The following HEMK2 variants were observed in gnomAD, a reference collection of about 807,000 sequenced individuals.
HEMK2 encodes HemK methyltransferase 2, ETF1 glutamine and histone H4 lysine.
chr21:28,709,319 A>G, the HEMK2 span, among the ~76,000 whole-genome samples: 1 of 152,204 alleles, frequency 6.6e-6, no homozygotes, highest in Admixed American at 6.5e-5. Flanking sequence ...TTGTTTATCA[A>G]ATCTGAGAAT....
the HEMK2 span, among the ~76,000 whole-genome samples, chr21:28,758,808 G>A: frequency 4.6e-5 from 7 of 152,102 alleles, no homozygotes; most frequent in African/African-American, 1.4e-4. Flanking sequence ...TGGTGAATAG[G>A]CTGGAGCTCA....
At chr21:28,870,513 T>C in the HEMK2 span, among the ~76,000 whole-genome samples, 1 of 152,158 alleles carries the variant, frequency 6.6e-6, no homozygotes, top group Non-Finnish European at 1.5e-5. Context: ...ACAATGCTCC[T>C]GCCTCAACCT....
chr21:28,675,016 G>C, the HEMK2 span, among the ~76,000 whole-genome samples: 1 of 152,254 alleles, frequency 6.6e-6, no homozygotes, highest in South Asian at 2.1e-4. Flanking sequence ...TCAACATTTA[G>C]ATCATAGCAC....
At chr21:28,826,459 T>A in the HEMK2 span, among the ~76,000 whole-genome samples, 1 of 152,206 alleles carries the variant, frequency 6.6e-6, no homozygotes, top group African/African-American at 2.4e-5. Context: ...ATCCTTAGTG[T>A]CATTCCCAGC....
the HEMK2 span, among the ~76,000 whole-genome samples, chr21:28,710,892 C>G: frequency 3.9e-5 from 6 of 152,166 alleles, no homozygotes; most frequent in Non-Finnish European, 8.8e-5. Flanking sequence ...CTTTCCATTA[C>G]ATTGTTCATG....
chr21:28,730,763 A>G, the HEMK2 span, among the ~76,000 whole-genome samples: 1 of 152,178 alleles, frequency 6.6e-6, no homozygotes, highest in South Asian at 2.1e-4. Context: ...AGAAGTCACA[A>G]TGTTTTACAA....
chr21:28,859,824 C>T, the HEMK2 span, among the ~76,000 whole-genome samples: 6 of 152,184 alleles, frequency 3.9e-5, no homozygotes, highest in South Asian at 2.1e-4. Flanking sequence ...AAAAAAGTAA[C>T]CAAATTTAGG....
the HEMK2 span, among the ~76,000 whole-genome samples, chr21:28,636,121 T>C: frequency 6.6e-6 from 1 of 152,180 alleles, no homozygotes; most frequent in East Asian, 1.9e-4. Context: ...TTTATTACTA[T>C]CTTCTTTAAA....
chr21:28,799,197 T>G, the HEMK2 span, among the ~76,000 whole-genome samples: 2 of 152,188 alleles, frequency 1.3e-5, no homozygotes, highest in African/African-American at 2.4e-5. Flanking sequence ...AGAGGTTTAA[T>G]GGACTCACAG....
chr21:28,782,518 T>C, the HEMK2 span, among the ~76,000 whole-genome samples: 1 of 152,102 alleles, frequency 6.6e-6, no homozygotes. Flanking sequence ...ATTATACCTA[T>C]TCAAAAGGAA....
At chr21:28,629,388 G>A in the HEMK2 span, among the ~76,000 whole-genome samples, 3 of 152,144 alleles carry the variant, frequency 2.0e-5, no homozygotes, top group Non-Finnish European at 2.9e-5. Context: ...CAATCACCTC[G>A]ACATCGAGCA....
At chr21:28,722,559 G>T in the HEMK2 span, among the ~76,000 whole-genome samples, 1 of 152,164 alleles carries the variant, frequency 6.6e-6, no homozygotes, top group South Asian at 2.1e-4. Flanking sequence ...ACAATGACCT[G>T]GCTCCTGTGC....
At chr21:28,816,633 A>T in the HEMK2 span, among the ~76,000 whole-genome samples, 1 of 152,216 alleles carries the variant, frequency 6.6e-6, no homozygotes, top group African/African-American at 2.4e-5. Flanking sequence ...CTGAAATATA[A>T]GCACACCACT....
the HEMK2 span, among the ~76,000 whole-genome samples, chr21:28,853,085 G>C: frequency 6.6e-6 from 1 of 152,132 alleles, no homozygotes. Flanking sequence ...AAGATGGCAG[G>C]TCCACCCTCA....
At chr21:28,826,879 TC>T in the HEMK2 span, among the ~76,000 whole-genome samples, 33 of 152,156 alleles carry the variant, frequency 2.2e-4, no homozygotes, top group Non-Finnish European at 5.9e-5. Context: ...ATAACCAGCA[TC>T]TTCAAAATGC....
At chr21:28,658,177 A>G in the HEMK2 span, among the ~76,000 whole-genome samples, 1 of 152,086 alleles carries the variant, frequency 6.6e-6, no homozygotes, top group Non-Finnish European at 1.5e-5. Flanking sequence ...CCAAAATAAT[A>G]GGACCTAAAA....
chr21:28,778,945 A>G, the HEMK2 span, among the ~76,000 whole-genome samples: 1 of 152,170 alleles, frequency 6.6e-6, no homozygotes, highest in African/African-American at 2.4e-5. Flanking sequence ...ATGAGATCCA[A>G]CTTAATCGAT....
At chr21:28,855,047 C>T in the HEMK2 span, among the ~76,000 whole-genome samples, 1 of 152,080 alleles carries the variant, frequency 6.6e-6, no homozygotes, top group Non-Finnish European at 1.5e-5. Context: ...GGCTAAATGC[C>T]TCAATTAAAA....
the HEMK2 span, among the ~76,000 whole-genome samples, chr21:28,730,948 T>C: frequency 1.7e-4 from 25 of 148,374 alleles, no homozygotes; most frequent in Admixed American, 1.4e-3. Context: ...TCTGGGAGGA[T>C]TGGAGGCCTC....
Sources: gnomAD v4.1 joint callset for allele counts (sites outside exome capture counted in the v4.1 genomes callset) on GRCh38, gnomAD v4.1.1 for gene constraint, MANE v1.5 for transcripts, NCBI Gene and HGNC (gene_info 2026-07-23, HGNC 2026-07-21) for gene names.